MAB21L1: variants seen among roughly 807,000 people sequenced by gnomAD.
MAB21L1 encodes the protein putative nucleotidyltransferase MAB21L1.
Under a neutral mutation model 28.9 loss-of-function variants are expected in MAB21L1, and 8 were observed. The ratio of observed to expected loss-of-function variants is 0.28; its 90% CI spans 0.16 to 0.50. The LOEUF (loss-of-function observed/expected upper bound fraction) is 0.50, where lower values mean the gene tolerates loss of function less well. Among genes scored for constraint, MAB21L1 ranks in the 20% least tolerant of loss-of-function variants. MAB21L1 has a pLI of 0.98. For synonymous variants in MAB21L1, 219 were observed against 198.2 expected, an observed-to-expected ratio of 1.10 and a Z score of -0.88; for missense variants, 388 against 466.5, an observed-to-expected ratio of 0.83 and a Z score of 1.55.
chr13:35,475,004 A>G lies in MAB21L1; in HGVS notation c.*55T>C. 1.9e-6 allele frequency: 3 copies of G among 1,550,808 alleles called. No individual in the cohort carries two copies. The highest frequency in any genetic ancestry group is 2.6e-6 in the Non-Finnish European group (3 of 1,145,588). On this transcript the variant is annotated 3_prime_UTR_variant, in exon 1 of 1. Transcript: ENST00000379919. ...TATTAGGAATTGAACAGAAGTTTAC[A>G]CTTAATAAGGACTTTGAGAAGGGTA...
chr13:35,475,002 A>C lies in MAB21L1; in HGVS notation c.*57T>G. 6.5e-7 allele frequency: 1 copy of C among 1,545,484 alleles called. No individual in the cohort carries two copies. Among genetic ancestry groups the C allele is most frequent in the Non-Finnish European group, 8.8e-7 (1 of 1,141,518 alleles). ...AATATTAGGAATTGAACAGAAGTTT[A>C]CACTTAATAAGGACTTTGAGAAGGG... On this transcript the variant is annotated 3_prime_UTR_variant, in exon 1 of 1. Transcript: ENST00000379919.
In MAB21L1 at chr13:35,474,897, G is replaced by GT; in HGVS notation, c.*161dup. 16 of 887,094 alleles carry GT rather than the reference G, an allele frequency of 1.8e-5. No homozygotes were observed. The highest frequency in any genetic ancestry group is 2.7e-5 in the Non-Finnish European group (16 of 595,758). 55.0% of individuals were successfully genotyped at this position (887,094 alleles called of 1,614,324 possible). ...CGCTTCCCCTACTTTTTCTCCCCTT[G>GT]TGGGGGTGGGTGAGATGATGTTTAA... On this transcript the variant is annotated 3_prime_UTR_variant, in exon 1 of 1. Transcript: ENST00000379919.
At position 35,474,377 on chromosome 13, in the gene MAB21L1, T is replaced by C. The variant is rs1057491696; in HGVS notation, c.*682A>G. The C allele has an allele frequency of 2.0e-5, 3 of 151,690 alleles. No homozygotes were observed. Among genetic ancestry groups the C allele is most frequent in the Non-Finnish European group, 4.4e-5 (3 of 67,998 alleles). 9.4% of individuals were successfully genotyped at this position (151,690 alleles called of 1,614,324 possible). ...TCAAATTTCTTTGAATATATTTAAA[T>C]AACATTTCAAGTATATTTATGGAAT... is the stretch of plus-strand genomic sequence containing the variant. On this transcript the variant is annotated 3_prime_UTR_variant, in exon 1 of 1. Transcript: ENST00000379919.
rs983904584 is a variant in MAB21L1, at chr13:35,474,314, A to G, written c.*745T>C. ...TATTTCAAGTGCATTTTTCAAATAT[A>G]TAATTCAGATATTCAAGCGTTATTA... On this transcript the variant is annotated 3_prime_UTR_variant, in exon 1 of 1. Transcript: ENST00000379919. 1.3e-5 allele frequency: 2 copies of G among 152,686 alleles called. No individual in the cohort carries two copies. Among genetic ancestry groups the G allele is most frequent in the Non-Finnish European group, 1.5e-5 (1 of 68,048 alleles). The allele number at this position is 152,686 out of a possible 1,614,324, so 9.5% of individuals were successfully genotyped here. A position where few individuals can be genotyped will look rare whatever the true frequency, so the allele number is the denominator to read the frequency against.
chr13:35,476,670 A>C lies in MAB21L1; in HGVS notation c.-532T>G. ...AGTGTGCGTGTGTATATGTCAGAAG[A>C]AGCTGCTGTTGGTTTGTCTAAGAGC... is the stretch of plus-strand genomic sequence containing the variant. On this transcript the variant is annotated 5_prime_UTR_variant, in exon 1 of 1. Coordinates refer to ENST00000379919, the MANE Select transcript of MAB21L1 (RefSeq NM_005584.5). 1.4e-6 allele frequency: 1 copy of C among 692,450 alleles called. No homozygotes were observed. Among genetic ancestry groups the C allele is most frequent in the Non-Finnish European group, 2.0e-6 (1 of 495,186 alleles). 42.9% of individuals were successfully genotyped at this position (692,450 alleles called of 1,614,324 possible). A position where few individuals can be genotyped will look rare whatever the true frequency, so the allele number is the denominator to read the frequency against.
chr13:35,475,872 C>G lies in MAB21L1; in HGVS notation c.267G>C (p.Val89=), dbSNP rs770601712. The G allele has an allele frequency of 6.2e-7, 1 of 1,614,068 alleles. No homozygotes were observed. The highest frequency in any genetic ancestry group is 2.2e-5 in the East Asian group (1 of 44,844). ...YLNQMGVFNF[V]DDGSLPGCAV... ...CGCAGCCGGGCAGTGAGCCATCGTC[C>G]ACGAAGTTGAACACCCCCATTTGGT... The change falls in exon 1 of 1, where the codon GTG becomes GTC. Residue 89 remains valine, a synonymous_variant. Coordinates refer to ENST00000379919, the MANE Select transcript of MAB21L1 (RefSeq NM_005584.5).
At position 35,475,432 on chromosome 13, in the gene MAB21L1, T is replaced by C. The variant is rs773279800; in HGVS notation, c.707A>G (p.Glu236Gly). 12 of 1,613,306 alleles carry C rather than the reference T, an allele frequency of 7.4e-6. No homozygotes were observed. The South Asian group carries it at 1.2e-4, about 16-fold the overall frequency. ...ESDAWVLQFA[E>G]AENRLQMGGC... ...CCCCATCTGCAGTCTGTTCTCTGCC[T>C]CCGCGAACTGCAGCACCCAGGCGTC... Residue 236 changes from glutamate (E) to glycine (G), a missense_variant, in exon 1 of 1, where the codon GAG (glutamate) becomes GGG (glycine). Glu to Gly is a moderately conservative substitution (Grantham distance 98). This residue lies in a region of MAB21L1 where 218 missense variants were observed against 220.6 expected (regional missense o/e 0.99). Coordinates refer to ENST00000379919, the MANE Select transcript of MAB21L1 (RefSeq NM_005584.5).
chr13:35,475,133 C>G lies in MAB21L1; in HGVS notation c.1006G>C (p.Glu336Gln). 2 of 1,614,060 alleles carry G rather than the reference C, an allele frequency of 1.2e-6. No homozygotes were observed. Residue 336 changes from glutamate (E) to glutamine (Q), a missense_variant, in exon 1 of 1, where the codon GAA becomes CAA. Coordinates refer to ENST00000379919, the MANE Select transcript of MAB21L1 (RefSeq NM_005584.5). ...LFQGKPHSAL[E>Q]NAAKQTWRLA... is the part of the protein sequence containing the mutation. Reference sequence around the variant, plus strand: ...CGCCACGTTTGTTTGGCAGCGTTTTCCAGAGCTGAGTGAGGTTTGCCTTGA... The same window carrying G: ...CGCCACGTTTGTTTGGCAGCGTTTTGCAGAGCTGAGTGAGGTTTGCCTTGA...
rs947032119 is a variant in MAB21L1, at chr13:35,474,238, T to C, written c.*821A>G. On this transcript the variant is annotated 3_prime_UTR_variant, in exon 1 of 1. Transcript: ENST00000379919. ...CTTCATTTATTACCATCTAATTAAA[T>C]AAAAACCAGCAACAAATTAAAATCT... The C allele has an allele frequency of 2.0e-5, 3 of 152,574 alleles. No individual in the cohort carries two copies. Among genetic ancestry groups the C allele is most frequent in the Non-Finnish European group, 2.9e-5 (2 of 67,996 alleles). 9.5% of individuals were successfully genotyped at this position (152,574 alleles called of 1,614,324 possible).
Position 35,474,903 on chromosome 13 carries a change from G to T in MAB21L1, c.*156C>A. ...CCCTACTTTTTCTCCCCTTGTGGGGGTGGGTGAGATGATGTTTAAATATTG... is the reference window on the plus strand; with the variant it reads ...CCCTACTTTTTCTCCCCTTGTGGGGTTGGGTGAGATGATGTTTAAATATTG... On this transcript the variant is annotated 3_prime_UTR_variant, in exon 1 of 1. Coordinates refer to ENST00000379919, the MANE Select transcript of MAB21L1 (RefSeq NM_005584.5). 1.1e-6 allele frequency: 1 copy of T among 925,492 alleles called. No individual in the cohort carries two copies. Among genetic ancestry groups the T allele is most frequent in the Non-Finnish European group, 1.6e-6 (1 of 626,322 alleles). The allele number at this position is 925,492 out of a possible 1,614,324, so 57.3% of individuals were successfully genotyped here.
In MAB21L1 at chr13:35,476,658, A is replaced by G. The variant is rs1007304396; in HGVS notation, c.-520T>C. The G allele has an allele frequency of 7.5e-5, 43 of 572,898 alleles. No individual in the cohort carries two copies. The highest frequency in any genetic ancestry group is 1.2e-4 in the Admixed American group (3 of 25,380). The allele number at this position is 572,898 out of a possible 1,614,324, so 35.5% of individuals were successfully genotyped here. On this transcript the variant is annotated 5_prime_UTR_variant, in exon 1 of 1. Coordinates refer to ENST00000379919, the MANE Select transcript of MAB21L1 (RefSeq NM_005584.5). Reference sequence around the variant, plus strand: ...GTGTCCGGGGTGAGTGTGCGTGTGTATATGTCAGAAGAAGCTGCTGTTGGT... The same window carrying G: ...GTGTCCGGGGTGAGTGTGCGTGTGTGTATGTCAGAAGAAGCTGCTGTTGGT...
chr13:35,476,266 G>A lies in MAB21L1; in HGVS notation c.-128C>T. ...CAACACTCAGAAATGGATCAAAAAT[G>A]CCTTTCGGAAGTGCTGCAGCGTTGG... On this transcript the variant is annotated 5_prime_UTR_variant, in exon 1 of 1. Transcript: ENST00000379919. The A allele has an allele frequency of 6.7e-7, 1 of 1,484,364 alleles. No individual in the cohort carries two copies. The highest frequency in any genetic ancestry group is 2.3e-5 in the East Asian group (1 of 43,034). 91.9% of individuals were successfully genotyped at this position (1,484,364 alleles called of 1,614,324 possible).
Position 35,476,394 on chromosome 13 carries a change from A to G in MAB21L1, c.-256T>C, listed in dbSNP as rs1043071827. 4.4e-5 allele frequency: 48 copies of G among 1,097,936 alleles called. No individual in the cohort carries two copies. The highest frequency in any genetic ancestry group is 6.0e-5 in the Non-Finnish European group (44 of 734,708). 68.0% of individuals were successfully genotyped at this position (1,097,936 alleles called of 1,614,324 possible). A position where few individuals can be genotyped will look rare whatever the true frequency, so the allele number is the denominator to read the frequency against. On this transcript the variant is annotated 5_prime_UTR_variant, in exon 1 of 1. Coordinates refer to ENST00000379919, the MANE Select transcript of MAB21L1 (RefSeq NM_005584.5). ...TATCTTTGAGCCCAGCCGTTCTTAAAGTGAAAGACTGTCCTCCCCCCTCTG... is the reference window on the plus strand; with the variant it reads ...TATCTTTGAGCCCAGCCGTTCTTAAGGTGAAAGACTGTCCTCCCCCCTCTG...
In MAB21L1 at chr13:35,475,479, G is replaced by A. The variant is rs756034708; in HGVS notation, c.660C>T (p.Gly220=). The A allele has an allele frequency of 1.2e-6, 2 of 1,612,186 alleles. No individual in the cohort carries two copies. Among genetic ancestry groups the A allele is most frequent in the East Asian group, 4.5e-5 (2 of 44,752 alleles). The change falls in exon 1 of 1, where the codon GGC becomes GGT. Residue 220 remains glycine, a synonymous_variant. Transcript: ENST00000379919. The stretch of plus-strand genomic sequence containing the variant: ...CGTCGCTCTCCGCCGAGCTCTGCTT[G>A]CCGGCCAAGGAGTGGCACTCCTTGG... The part of the protein sequence containing the change: ...LLSKECHSLA[G]KQSSAESDAW...
At position 35,475,549 on chromosome 13, in the gene MAB21L1, G is replaced by T; in HGVS notation, c.590C>A (p.Pro197His). The change falls in exon 1 of 1, where the codon CCC becomes CAC. Residue 197 changes from proline to histidine, a missense_variant. Around this residue, in one of 3 missense-constraint regions of MAB21L1, gnomAD observed 218 missense variants for 220.6 expected, o/e 0.99. Transcript: ENST00000379919. ...WPLPHIPWPG[P>H]NRVAEVKAEG... is the part of the protein sequence containing the mutation. The stretch of plus-strand genomic sequence containing the variant: ...CGCCTTGACCTCCGCCACCCGGTTG[G>T]GTCCCGGCCAGGGGATGTGGGGAAG... The T allele has an allele frequency of 6.2e-7, 1 of 1,613,302 alleles. No homozygotes were observed. Among genetic ancestry groups the T allele is most frequent in the Non-Finnish European group, 8.5e-7 (1 of 1,179,946 alleles).
At position 35,475,408 on chromosome 13, in the gene MAB21L1, C is replaced by T. The variant is rs45556438; in HGVS notation, c.731G>A (p.Gly244Glu). ...FAEAENRLQM[G>E]GCRKKCLSIL... The stretch of plus-strand genomic sequence containing the variant: ...GGAGAGGCACTTCTTTCTGCAGCCC[C>T]CCATCTGCAGTCTGTTCTCTGCCTC... The change falls in exon 1 of 1, where the codon GGG becomes GAG. Residue 244 changes from glycine (G) to glutamate (E), a missense_variant. By Grantham distance (98) the Gly-to-Glu change is moderately conservative (BLOSUM62 -2). Transcript: ENST00000379919. The T allele has an allele frequency of 7.4e-6, 12 of 1,613,612 alleles. No homozygotes were observed. The highest frequency in any genetic ancestry group is 1.1e-5 in the South Asian group (1 of 91,052).
In MAB21L1 at chr13:35,475,448, C is replaced by G; in HGVS notation, c.691G>C (p.Val231Leu). The change falls in exon 1 of 1, where the codon GTG (valine) becomes CTG (leucine). Residue 231 changes from valine to leucine, a missense_variant. Val to Leu is a conservative substitution (Grantham distance 32). Transcript: ENST00000379919. Reference protein sequence around the residue: ...KQSSAESDAWVLQFAEAENRL... With the variant: ...KQSSAESDAWLLQFAEAENRL... ...TTCTCTGCCTCCGCGAACTGCAGCA[C>G]CCAGGCGTCGCTCTCCGCCGAGCTC... 2 of 1,613,224 alleles carry G rather than the reference C, an allele frequency of 1.2e-6. No individual in the cohort carries two copies. The highest frequency in any genetic ancestry group is 1.7e-6 in the Non-Finnish European group (2 of 1,179,910).
chr13:35,476,329 GC>G lies in MAB21L1; in HGVS notation c.-192del. 2 of 1,207,590 alleles carry G rather than the reference GC, an allele frequency of 1.7e-6. No homozygotes were observed. Among genetic ancestry groups the G allele is most frequent in the East Asian group, 5.0e-5 (2 of 39,626 alleles). The allele number at this position is 1,207,590 out of a possible 1,614,324, so 74.8% of individuals were successfully genotyped here. A position where few individuals can be genotyped will look rare whatever the true frequency, so the allele number is the denominator to read the frequency against. The stretch of plus-strand genomic sequence containing the variant: ...TGCTGCTGCTGCTGCTGCTGCTGCT[GC>G]TGCTGCTGCTGCTGCTGCTGCTGCT... On this transcript the variant is annotated 5_prime_UTR_variant, in exon 1 of 1. Coordinates refer to ENST00000379919, the MANE Select transcript of MAB21L1 (RefSeq NM_005584.5).
chr13:35,475,532 C>A lies in MAB21L1; in HGVS notation c.607G>T (p.Val203Phe). 1 of 1,613,026 alleles carries A rather than the reference C, an allele frequency of 6.2e-7. No homozygotes were observed. The highest frequency in any genetic ancestry group is 8.5e-7 in the Non-Finnish European group (1 of 1,179,936). The part of the protein sequence containing the change: ...PWPGPNRVAE[V>F]KAEGFNLLSK... The stretch of plus-strand genomic sequence containing the variant: ...AAGAGATTGAAACCTTCCGCCTTGA[C>A]CTCCGCCACCCGGTTGGGTCCCGGC... Residue 203 changes from valine (V) to phenylalanine (F), a missense_variant, in exon 1 of 1, where the codon GTC becomes TTC. Physicochemically the swap from Val to Phe is conservative, Grantham distance 50 (BLOSUM62 -1). Coordinates refer to ENST00000379919, the MANE Select transcript of MAB21L1 (RefSeq NM_005584.5).
Sources: allele counts gnomAD v4.1 joint callset, GRCh38; gene constraint gnomAD v4.1.1; regional missense constraint gnomAD v4.1.1; transcripts MANE v1.5; gene names NCBI Gene and HGNC (gene_info 2026-07-23, HGNC 2026-07-21).